Variants in NAV2 observed in about 807,000 individuals in gnomAD.
NAV2 encodes neuron navigator 2, also known as helicase, APC down-regulated 1.
A neutral mutation model predicts 223.2 loss-of-function variants in NAV2; 54 were observed. The observed-to-expected ratio is 0.24, with a 90% CI of 0.19 to 0.30. The LOEUF is 0.30. NAV2 is among the 10% of genes least tolerant of loss of function. NAV2 has a pLI of 1.00. For synonymous variants in NAV2, 1,279 were observed against 1,239.3 expected (o/e 1.03, Z -0.67); for missense variants, 2,806 against 3,147.5 (o/e 0.89, Z 2.60).
At chr11:19,464,629 C>T (rs987486107) in intron 1 of NAV2, among the ~76,000 whole-genome samples, 3 of 152,164 alleles carry the variant, frequency 2.0e-5, no homozygotes, top group African/African-American at 7.2e-5. Flanking sequence ...ACAGTGGTTG[C>T]CCAGGAGATG....
At chr11:19,442,992 A>T (rs1851459260) in intron 1 of NAV2, among the ~76,000 whole-genome samples, 1 of 152,140 alleles carries the variant, frequency 6.6e-6, no homozygotes, top group South Asian at 2.1e-4. Flanking sequence ...CTACCTACCC[A>T]TCAAGGTGTC....
Position 20,092,337 on chromosome 11 carries a change from C to T in NAV2, c.5784C>T (p.His1928=), listed in dbSNP as rs774099444. Residue 1928 remains histidine, a synonymous_variant, in exon 28 of 38, where the codon CAC becomes CAT. Coordinates refer to ENST00000349880, the MANE Select transcript of NAV2 (RefSeq NM_145117.5). ...GGCAGTCCATGGGCCTCTCCCAGCA[C>T]AGCTTGAACCTCACTGAGTCAACCA... ...SPRQSMGLSQ[H]SLNLTESTSL... 3 of 1,613,824 alleles carry T rather than the reference C, an allele frequency of 1.9e-6. No homozygotes were observed. Among genetic ancestry groups the T allele is most frequent in the South Asian group, 1.1e-5 (1 of 91,076 alleles).
At chr11:19,943,015 G>A (rs1449542569) in intron 8 of NAV2, among the ~76,000 whole-genome samples, 1 of 152,080 alleles carries the variant, frequency 6.6e-6, no homozygotes, top group Non-Finnish European at 1.5e-5. Context: ...TCTAACGGAG[G>A]GTTAAGACCA....
intron 1 of NAV2, among the ~76,000 whole-genome samples, chr11:19,686,104 C>A (rs1002007427): frequency 2.0e-5 from 3 of 152,140 alleles, no homozygotes; most frequent in African/African-American, 4.8e-5. Context: ...CCTAACCCAC[C>A]CCAGGGCCTC....
intron 1 of NAV2, chr11:19,777,496 G>C (rs994882160): frequency 2.2e-6 from 1 of 455,086 alleles, no homozygotes; most frequent in Non-Finnish European, 4.4e-6. Context: ...GCTGGGAACA[G>C]AATAACACCA....
chr11:19,864,890 A>C (rs542552723), intron 3 of NAV2, among the ~76,000 whole-genome samples: 14 of 152,204 alleles, frequency 9.2e-5, no homozygotes, highest in African/African-American at 3.4e-4. Flanking sequence ...TCTCCAAGCC[A>C]CGTGGTAGTC....
intron 1 of NAV2, among the ~76,000 whole-genome samples, chr11:19,828,821 T>C (rs1043262779): frequency 1.3e-5 from 2 of 152,184 alleles, no homozygotes; most frequent in African/African-American, 4.8e-5. Context: ...TCGTTTGGCA[T>C]TGGTGTGTAG....
At chr11:19,617,231 T>C (rs2046823769) in intron 1 of NAV2, among the ~76,000 whole-genome samples, 1 of 152,120 alleles carries the variant, frequency 6.6e-6, no homozygotes, top group Admixed American at 6.5e-5. Flanking sequence ...TCTTTGAAAA[T>C]GGTTTCTTTT....
chr11:19,576,741 T>G (rs1479505801), intron 1 of NAV2, among the ~76,000 whole-genome samples: 2 of 152,182 alleles, frequency 1.3e-5, no homozygotes, highest in Non-Finnish European at 2.9e-5. Flanking sequence ...TATATCTGTT[T>G]CCCTCCCTGT....
chr11:19,955,744 G>GTTAATAGATTAATAGCATGAAA (rs2047798018), intron 10 of NAV2, among the ~76,000 whole-genome samples: 2 of 152,294 alleles, frequency 1.3e-5, no homozygotes, highest in East Asian at 3.9e-4. Flanking sequence ...GAATCAAAGG[G>GTTAATAGATTAATAGCATGAAA]GGTAGATTAA....
intron 6 of NAV2, among the ~76,000 whole-genome samples, chr11:19,914,317 A>G (rs1317707206): frequency 6.6e-6 from 1 of 152,032 alleles, no homozygotes; most frequent in Non-Finnish European, 1.5e-5. Context: ...GTCGGTCACT[A>G]TTTTTGCCTA....
At chr11:19,963,822 T>C (rs1365847971) in intron 10 of NAV2, among the ~76,000 whole-genome samples, 1 of 152,156 alleles carries the variant, frequency 6.6e-6, no homozygotes, top group African/African-American at 2.4e-5. Context: ...ACCGATGAGG[T>C]GCTCAGAGGC....
chr11:19,554,436 C>T (rs1434113563), intron 1 of NAV2, among the ~76,000 whole-genome samples: 2 of 152,160 alleles, frequency 1.3e-5, no homozygotes, highest in Non-Finnish European at 2.9e-5. Flanking sequence ...ACACCAGGCT[C>T]CATTGCCCAG....
At chr11:19,702,029 C>T (rs2049524011) in intron 1 of NAV2, among the ~76,000 whole-genome samples, 1 of 152,200 alleles carries the variant, frequency 6.6e-6, no homozygotes, top group Non-Finnish European at 1.5e-5. Flanking sequence ...TTTCTGGCAT[C>T]CCACTTTCCT....
At chr11:19,447,440 C>T (rs552117403) in intron 1 of NAV2, among the ~76,000 whole-genome samples, 2 of 152,298 alleles carry the variant, frequency 1.3e-5, no homozygotes, top group East Asian at 3.9e-4. Context: ...TCCAGCTCCA[C>T]CACTTCCTGG....
At chr11:19,419,128 G>C (rs1404503437) in intron 1 of NAV2, among the ~76,000 whole-genome samples, 1 of 152,302 alleles carries the variant, frequency 6.6e-6, no homozygotes, top group East Asian at 1.9e-4. Flanking sequence ...GGCTGGCACT[G>C]TGCTGGAGTT....
chr11:19,934,979 C>T (rs1024925131), intron 7 of NAV2, among the ~76,000 whole-genome samples: 1 of 152,174 alleles, frequency 6.6e-6, no homozygotes, highest in African/African-American at 2.4e-5. Flanking sequence ...CCAGTCCACA[C>T]AGTGGTGCTG....
At chr11:19,636,858 T>C (rs962287157) in intron 1 of NAV2, among the ~76,000 whole-genome samples, 4 of 152,188 alleles carry the variant, frequency 2.6e-5, no homozygotes, top group African/African-American at 9.7e-5. Context: ...ATACAAGACC[T>C]GGTCAGTCCA....
At chr11:19,811,936 T>G (rs2058854478) in intron 1 of NAV2, among the ~76,000 whole-genome samples, 1 of 152,196 alleles carries the variant, frequency 6.6e-6, no homozygotes, top group Admixed American at 6.5e-5. Flanking sequence ...GTCTTTAGAA[T>G]CCTTTGCCTG....
Sources: gnomAD v4.1 joint callset for allele counts (sites outside exome capture counted in the v4.1 genomes callset) on GRCh38, gnomAD v4.1.1 for gene constraint, MANE v1.5 for transcripts, NCBI Gene and HGNC (gene_info 2026-07-23, HGNC 2026-07-21) for gene names.